KLRD1: variants seen among roughly 807,000 people sequenced by gnomAD.
The protein encoded by KLRD1 is natural killer cells antigen CD94.
KLRD1 carries 21 observed loss-of-function variants against 22.6 expected under a neutral mutation model. The observed-to-expected ratio is 0.93, with a 90% CI of 0.66 to 1.34. KLRD1 has a LOEUF of 1.34. Ranked by LOEUF, KLRD1 falls within the 40% of genes most tolerant of loss-of-function variation. The pLI, the probability that KLRD1 is intolerant of heterozygous loss-of-function variation, is 0.00. For synonymous variants in KLRD1, 59 were observed against 71.1 expected, an observed-to-expected ratio of 0.83 and a Z score of 0.85; for missense variants, 183 against 208.6, an observed-to-expected ratio of 0.88 and a Z score of 0.76.
chr12:10,248,529 T>TC (rs1326433362), intron 1 of KLRD1, among the ~76,000 whole-genome samples: 6 of 79,640 alleles, frequency 7.5e-5, no homozygotes, highest in East Asian at 5.1e-4. Flanking sequence ...ATGTATTTTC[T>TC]TTTCCTTCCT....
chr12:10,321,472 T>G lies in KLRD1; in HGVS notation c.*6679T>G, dbSNP rs1950311704. The G allele has an allele frequency of 6.6e-6, 1 of 152,192 alleles. No individual in the cohort carries two copies. Among genetic ancestry groups the G allele is most frequent in the African/African-American group, 2.4e-5 (1 of 41,444 alleles). The allele number at this position is 152,192 out of a possible 1,614,324, so 9.4% of individuals were successfully genotyped here. A position where few individuals can be genotyped will look rare whatever the true frequency, so the allele number is the denominator to read the frequency against. ...ACATAAATCATTTGGGGCCAAAGAT[T>G]AGACTCTTGTAAACAGCTTCCTATA... is the stretch of plus-strand genomic sequence containing the variant. On this transcript the variant is annotated 3_prime_UTR_variant, in exon 6 of 6. Transcript: ENST00000336164.
chr12:10,265,728 G>C (rs1949493160), intron 1 of KLRD1, among the ~76,000 whole-genome samples: 1 of 152,210 alleles, frequency 6.6e-6, no homozygotes, highest in African/African-American at 2.4e-5. Context: ...CTGCACTGTA[G>C]CCTGGGTGAC....
chr12:10,302,651 C>T (rs10772255), upstream of KLRD1, among the ~76,000 whole-genome samples: 5 of 151,708 alleles, frequency 3.3e-5, no homozygotes, highest in African/African-American at 1.2e-4. Flanking sequence ...GGTTGAGGGG[C>T]AGTGAAACCA....
At chr12:10,240,924 T>G (rs974424058) in intron 1 of KLRD1, among the ~76,000 whole-genome samples, 9 of 152,218 alleles carry the variant, frequency 5.9e-5, no homozygotes, top group Non-Finnish European at 1.3e-4. Flanking sequence ...CTTGATTTGC[T>G]GATTGCACCT....
At chr12:10,282,378 T>C (rs1949653435) in intron 1 of KLRD1, among the ~76,000 whole-genome samples, 1 of 151,956 alleles carries the variant, frequency 6.6e-6, no homozygotes, top group Non-Finnish European at 1.5e-5. Context: ...TGCTTCAGCC[T>C]TCCTGAGTAG....
intron 1 of KLRD1, chr12:10,308,445 A>G (rs1316088380): frequency 3.3e-5 from 8 of 241,440 alleles, no homozygotes; most frequent in Admixed American, 2.5e-4. Context: ...TTAATTGACT[A>G]TTTATGTTGT....
At chr12:10,268,099 G>C (rs958424138) in intron 1 of KLRD1, among the ~76,000 whole-genome samples, 2 of 152,178 alleles carry the variant, frequency 1.3e-5, no homozygotes, top group Admixed American at 6.5e-5. Context: ...AAATCGATTA[G>C]AAAGAATCAA....
At chr12:10,266,537 A>AT (rs1334630158) in intron 1 of KLRD1, among the ~76,000 whole-genome samples, 1 of 151,762 alleles carries the variant, frequency 6.6e-6, no homozygotes, top group Non-Finnish European at 1.5e-5. Flanking sequence ...TGTTTCAACT[A>AT]TTTTTTTCCT....
chr12:10,250,758 G>A (rs1949339349), intron 1 of KLRD1, among the ~76,000 whole-genome samples: 1 of 152,092 alleles, frequency 6.6e-6, no homozygotes, highest in Non-Finnish European at 1.5e-5. Context: ...ATTATATGTT[G>A]AGGCAAGTCA....
intron 1 of KLRD1, among the ~76,000 whole-genome samples, chr12:10,259,219 G>A (rs7959312): frequency 0.82 from 124,887 of 152,168 alleles, 55,053 homozygotes; most frequent in Non-Finnish European, 0.98. Context: ...ATTCTAATAT[G>A]CAATTCTTCT....
intron 1 of KLRD1, among the ~76,000 whole-genome samples, chr12:10,293,172 A>ATGTATATATATATG (rs1949792293): frequency 6.4e-4 from 1 of 1,566 alleles, no homozygotes; most frequent in Admixed American, 0.012. Flanking sequence ...ATATATACAC[A>ATGTATATATATATG]TATACACATA....
At position 10,317,740 on chromosome 12, in the gene KLRD1, T is replaced by G. The variant is rs1950262285; in HGVS notation, c.*2947T>G. ...CAACATTAGTGTATTAGTCCGTTCT[T>G]ATGCTGCTACTAAAGATATACCCAA... is the stretch of plus-strand genomic sequence containing the variant. On this transcript the variant is annotated 3_prime_UTR_variant, in exon 6 of 6. Coordinates refer to ENST00000336164, the MANE Select transcript of KLRD1 (RefSeq NM_002262.5). 6.6e-6 allele frequency: 1 copy of G among 152,224 alleles called. No individual in the cohort carries two copies. Among genetic ancestry groups the G allele is most frequent in the Non-Finnish European group, 1.5e-5 (1 of 68,038 alleles). The allele number at this position is 152,224 out of a possible 1,614,324, so 9.4% of individuals were successfully genotyped here.
rs921748552 is a variant in KLRD1, at chr12:10,329,585, T to A, written c.*14792T>A. On this transcript the variant is annotated 3_prime_UTR_variant, in exon 6 of 6. Transcript: ENST00000336164. Reference sequence around the variant, plus strand: ...TTATGTTTGGTTGTTCTATCCATTATTAAAAGTGAGCACTGAAATCTCCTA... The same window carrying A: ...TTATGTTTGGTTGTTCTATCCATTAATAAAAGTGAGCACTGAAATCTCCTA... 6.6e-6 allele frequency: 1 copy of A among 152,192 alleles called. No individual in the cohort carries two copies. Among genetic ancestry groups the A allele is most frequent in the Non-Finnish European group, 1.5e-5 (1 of 68,040 alleles). 9.4% of individuals were successfully genotyped at this position (152,192 alleles called of 1,614,324 possible).
At position 10,321,907 on chromosome 12, in the gene KLRD1, C is replaced by T. The variant is rs1950315403; in HGVS notation, c.*7114C>T. 6.6e-6 allele frequency: 1 copy of T among 152,182 alleles called. No homozygotes were observed. Among genetic ancestry groups the T allele is most frequent in the African/African-American group, 2.4e-5 (1 of 41,442 alleles). The allele number at this position is 152,182 out of a possible 1,614,324, so 9.4% of individuals were successfully genotyped here. On this transcript the variant is annotated 3_prime_UTR_variant, in exon 6 of 6. Coordinates refer to ENST00000336164, the MANE Select transcript of KLRD1 (RefSeq NM_002262.5). ...GATCCTGAGCTAGAACCACCTAGCA[C>T]AGTTGCTCTTGATTTCTGACCTCAG... is the stretch of plus-strand genomic sequence containing the variant.
At chr12:10,301,249 T>C (rs61308974), upstream of KLRD1, among the ~76,000 whole-genome samples, 7,633 of 152,282 alleles carry the variant, frequency 0.05, 335 homozygotes, top group East Asian at 0.22. Flanking sequence ...AAGACTTTTT[T>C]CTTTTTCTGT....
upstream of KLRD1, among the ~76,000 whole-genome samples, chr12:10,299,576 A>T (rs1353076927): frequency 2.0e-5 from 3 of 152,222 alleles, no homozygotes; most frequent in African/African-American, 7.2e-5. Flanking sequence ...TTGCTAAAAA[A>T]ATGCTATTGA....
rs768363393 is a variant in KLRD1, at chr12:10,309,458, G to A, written c.78G>A (p.Thr26=). The A allele has an allele frequency of 1.2e-5, 19 of 1,522,588 alleles. 1 individual carries two copies. The highest frequency in any genetic ancestry group is 5.5e-5 in the African/African-American group (4 of 73,394). The allele number at this position is 1,522,588 out of a possible 1,614,324, so 94.3% of individuals were successfully genotyped here. ...TAATATGCCTTTCGTTGATGTCTAC[G>A]TTGGGAATTTTGTTGAAAAATTGTA... ...LGIICLSLMS[T]LGILLKNSFT... is the part of the protein sequence containing the mutation. Residue 26 remains threonine (T), a synonymous_variant, in exon 2 of 6, where the codon ACG becomes ACA. Coordinates refer to ENST00000336164, the MANE Select transcript of KLRD1 (RefSeq NM_002262.5).
In KLRD1 at chr12:10,316,107, G is replaced by C. The variant is rs934204853; in HGVS notation, c.*1314G>C. 9.4e-6 allele frequency: 1 copy of C among 106,270 alleles called. No homozygotes were observed. Among genetic ancestry groups the C allele is most frequent in the Non-Finnish European group, 1.7e-5 (1 of 59,028 alleles). 6.6% of individuals were successfully genotyped at this position (106,270 alleles called of 1,614,324 possible). A position where few individuals can be genotyped will look rare whatever the true frequency, so the allele number is the denominator to read the frequency against. ...CACTCCAGCCTGGGTGACAGAGCCAGACTCCTCTCCAAAAAAAAAAAAAAA... is the reference window on the plus strand; with the variant it reads ...CACTCCAGCCTGGGTGACAGAGCCACACTCCTCTCCAAAAAAAAAAAAAAA... On this transcript the variant is annotated 3_prime_UTR_variant, in exon 6 of 6. Transcript: ENST00000336164.
At chr12:10,309,201 T>C in intron 1 of KLRD1, 187 bp from the exon 2 acceptor site, 1 of 504,726 alleles carries the variant, frequency 2.0e-6, no homozygotes, top group Non-Finnish European at 3.5e-6. Flanking sequence ...AAGAATAAGA[T>C]ACATCACATA....
Sources: gnomAD v4.1 joint callset for allele counts (sites outside exome capture counted in the v4.1 genomes callset) on GRCh38, gnomAD v4.1.1 for gene constraint, MANE v1.5 for transcripts, NCBI Gene and HGNC (gene_info 2026-07-23, HGNC 2026-07-21) for gene names.